TSHZ2: variants seen among roughly 807,000 people sequenced by gnomAD.
The protein encoded by TSHZ2 is teashirt homolog 2.
Under a neutral mutation model 74.4 loss-of-function variants are expected in TSHZ2, and 21 were observed. That is an observed-to-expected ratio of 0.28 (90% CI 0.20 to 0.41). The LOEUF (loss-of-function observed/expected upper bound fraction) is 0.41. Ranked by LOEUF, TSHZ2 falls within the 10% of genes least tolerant of loss-of-function variation. The probability of loss-of-function intolerance (pLI) is 1.00; values close to 1 mark genes in which losing one functional copy is unlikely to be tolerated. For missense variants in TSHZ2, 1,244 were observed against 1,293.5 expected (o/e 0.96, Z 0.59); for synonymous variants, 540 against 515.3 (o/e 1.05, Z -0.65).
In TSHZ2 at chr20:53,490,645, T is replaced by C. The variant is rs1850626677; in HGVS notation, c.*3510T>C. On this transcript the variant is annotated 3_prime_UTR_variant, in exon 3 of 3. Transcript: ENST00000371497. Reference sequence around the variant, plus strand: ...GATTTCTTAAAACTCACCCCCAAAATGTGCCTGCTTGGTTGTTTGAATCTT... The same window carrying C: ...GATTTCTTAAAACTCACCCCCAAAACGTGCCTGCTTGGTTGTTTGAATCTT... 6.6e-6 allele frequency: 1 copy of C among 152,218 alleles called. No homozygotes were observed. Among genetic ancestry groups the C allele is most frequent in the Non-Finnish European group, 1.5e-5 (1 of 68,042 alleles). The allele number at this position is 152,218 out of a possible 1,614,324, so 9.4% of individuals were successfully genotyped here.
intron 1 of TSHZ2, among the ~76,000 whole-genome samples, chr20:53,070,410 T>C (rs1003630252): frequency 2.0e-5 from 3 of 152,214 alleles, no homozygotes; most frequent in Admixed American, 1.3e-4. Context: ...TAGTCACAGT[T>C]TTTCTACTCA....
chr20:53,220,489 A>G (rs549481048), intron 1 of TSHZ2, among the ~76,000 whole-genome samples: 2 of 152,258 alleles, frequency 1.3e-5, no homozygotes, highest in South Asian at 2.1e-4. Flanking sequence ...TTTTTCTCCC[A>G]TGTCAGGGTT....
intron 1 of TSHZ2, among the ~76,000 whole-genome samples, chr20:53,012,642 A>G (rs184900831): frequency 1.8e-4 from 28 of 152,124 alleles, no homozygotes; most frequent in African/African-American, 6.7e-4. Flanking sequence ...GGCCCCCTTT[A>G]CAGCCCTAAC....
rs59656180 is a variant in TSHZ2, at chr20:53,401,774, CTTTTTTT to C, written c.*9-85353_*9-85347del. Among the ~76,000 whole-genome samples, 50 of 94,848 alleles carry C rather than the reference CTTTTTTT, an allele frequency of 5.3e-4. 1 individual carries two copies. Among genetic ancestry groups the C allele is most frequent in the East Asian group, 2.7e-3 (9 of 3,392 alleles). The allele number at this position is 94,848 out of a possible 152,430, so 62.2% of individuals were successfully genotyped here. A position where few individuals can be genotyped will look rare whatever the true frequency, so the allele number is the denominator to read the frequency against. On this transcript the variant is annotated intron_variant, in intron 2 of 2. Transcript: ENST00000371497. ...CCATGGTATATATACAACACATTTT[CTTTTTTT>C]TTTTTTTTTTTTTTTTCTTCAGACA...
intron 1 of TSHZ2, among the ~76,000 whole-genome samples, chr20:53,028,154 G>A (rs1983514808): frequency 6.6e-6 from 1 of 152,192 alleles, no homozygotes; most frequent in Non-Finnish European, 1.5e-5. Flanking sequence ...GTGGATAGCA[G>A]ACATGTGGGT....
intron 1 of TSHZ2, among the ~76,000 whole-genome samples, chr20:53,219,663 C>A (rs1282374589): frequency 6.6e-6 from 1 of 152,084 alleles, no homozygotes; most frequent in Non-Finnish European, 1.5e-5. Context: ...GGCAAAGTAA[C>A]CTTATAAAGA....
chr20:53,003,056 G>C (rs985456647), intron 1 of TSHZ2, among the ~76,000 whole-genome samples: 1 of 152,028 alleles, frequency 6.6e-6, no homozygotes, highest in East Asian at 1.9e-4. Context: ...ACACACTAAA[G>C]GACAAATACA....
chr20:53,353,152 C>T (rs2145589996), intron 2 of TSHZ2, among the ~76,000 whole-genome samples: 2 of 152,210 alleles, frequency 1.3e-5, no homozygotes, highest in South Asian at 4.1e-4. Context: ...AAATGATAGT[C>T]CAGGATATCA....
intron 1 of TSHZ2, among the ~76,000 whole-genome samples, chr20:53,195,581 T>G (rs1026760470): frequency 6.6e-6 from 1 of 152,178 alleles, no homozygotes; most frequent in African/African-American, 2.4e-5. Flanking sequence ...TTCCAAAAAT[T>G]AGCACTTATT....
At chr20:53,119,397 A>C (rs1478087174) in intron 1 of TSHZ2, among the ~76,000 whole-genome samples, 1 of 152,208 alleles carries the variant, frequency 6.6e-6, no homozygotes, top group Non-Finnish European at 1.5e-5. Context: ...AGACACAACT[A>C]AATGAGACAT....
intron 1 of TSHZ2, among the ~76,000 whole-genome samples, chr20:53,162,448 C>T (rs567746432): frequency 6.6e-6 from 1 of 152,212 alleles, no homozygotes; most frequent in African/African-American, 2.4e-5. Flanking sequence ...TCTTTTGTAT[C>T]TTTCCTGGTA....
intron 2 of TSHZ2, among the ~76,000 whole-genome samples, chr20:53,346,132 A>G (rs910300449): frequency 1.3e-5 from 2 of 152,224 alleles, no homozygotes; most frequent in Admixed American, 6.5e-5. Flanking sequence ...TGCCTACCCC[A>G]GTGACATTTC....
chr20:53,063,369 T>A (rs1350566844), intron 1 of TSHZ2, among the ~76,000 whole-genome samples: 1 of 152,216 alleles, frequency 6.6e-6, no homozygotes, highest in African/African-American at 2.4e-5. Flanking sequence ...TTTGCCTATA[T>A]ATTACATATG....
At chr20:53,068,274 C>A (rs889236200) in intron 1 of TSHZ2, among the ~76,000 whole-genome samples, 2 of 152,128 alleles carry the variant, frequency 1.3e-5, no homozygotes, top group African/African-American at 4.8e-5. Flanking sequence ...AATTCCAACA[C>A]TTTACCATCA....
At chr20:52,978,601 A>T (rs1307307745) in intron 1 of TSHZ2, among the ~76,000 whole-genome samples, 1 of 152,198 alleles carries the variant, frequency 6.6e-6, no homozygotes, top group Non-Finnish European at 1.5e-5. Context: ...TCAGTTGGAA[A>T]TACATTTAAC....
chr20:53,265,687 C>A (rs914042767), intron 2 of TSHZ2, among the ~76,000 whole-genome samples: 6 of 152,228 alleles, frequency 3.9e-5, no homozygotes, highest in African/African-American at 1.4e-4. Context: ...GGGGGAGGCA[C>A]AGGTCTGGCC....
intron 1 of TSHZ2, among the ~76,000 whole-genome samples, chr20:52,991,331 GGA>G (rs1333109572): frequency 7.0e-6 from 1 of 143,790 alleles, no homozygotes. Flanking sequence ...TGTTGTGGGG[GGA>G]GAGAGTGTGA....
intron 2 of TSHZ2, among the ~76,000 whole-genome samples, chr20:53,431,025 G>A (rs896568843): frequency 6.6e-6 from 1 of 152,134 alleles, no homozygotes; most frequent in Non-Finnish European, 1.5e-5. Flanking sequence ...GGGATTACAG[G>A]CATGAGCCAC....
chr20:53,485,408 C>T (rs1986265836), intron 2 of TSHZ2, among the ~76,000 whole-genome samples: 1 of 152,004 alleles, frequency 6.6e-6, no homozygotes, highest in South Asian at 2.1e-4. Context: ...CTATGTAAAC[C>T]TAACGAAATG....
Sources: gnomAD v4.1 joint callset for allele counts (sites outside exome capture counted in the v4.1 genomes callset) on GRCh38, gnomAD v4.1.1 for gene constraint, MANE v1.5 for transcripts, NCBI Gene and HGNC (gene_info 2026-07-23, HGNC 2026-07-21) for gene names.